Variants in DOCK11 observed in about 807,000 individuals in gnomAD.
DOCK11 encodes the protein dedicator of cytokinesis 11.
In DOCK11, 70 loss-of-function variants were observed where a neutral mutation model predicts 169.1. The ratio of observed to expected loss-of-function variants is 0.41; its 90% CI spans 0.34 to 0.51. The LOEUF (loss-of-function observed/expected upper bound fraction) is 0.51, where lower values mean the gene tolerates loss of function less well. Among genes scored for constraint, DOCK11 ranks in the 20% least tolerant of loss-of-function variants. The probability of loss-of-function intolerance (pLI) is 0.10; values close to 1 mark genes in which losing one functional copy is unlikely to be tolerated. For missense variants in DOCK11, 1,166 were observed against 1,538.8 expected, an observed-to-expected ratio of 0.76 and a Z score of 4.05; for synonymous variants, 529 against 541.3, an observed-to-expected ratio of 0.98 and a Z score of 0.32.
chrX:118,680,168 C>G (rs1460522377), intron 48 of DOCK11, among the ~76,000 whole-genome samples: 1 of 109,477 alleles, frequency 9.1e-6, no homozygotes, highest in African/African-American at 3.3e-5. Flanking sequence ...CTCAAGTGAT[C>G]CGCCCGCCTC....
At position 118,680,532 on chromosome X, in the gene DOCK11, T is replaced by C. The variant is rs752458314; in HGVS notation, c.5511T>C (p.Tyr1837=). ...DPKYAHIQVT[Y]VKPYFDDKEL... ...AATATGCTCATATACAAGTTACTTA[T>C]GTGAAGCCTTACTTTGATGACAAAG... The change falls in exon 49 of 53, where the codon TAT becomes TAC. Residue 1837 remains tyrosine, a synonymous_variant. Transcript: ENST00000276202. 8.3e-7 allele frequency: 1 copy of C among 1,209,978 alleles called. No individual in the cohort carries two copies. Among genetic ancestry groups the C allele is most frequent in the African/African-American group, 1.7e-5 (1 of 57,880 alleles).
intron 41 of DOCK11, among the ~76,000 whole-genome samples, chrX:118,650,069 T>C (rs1377600127): frequency 9.0e-6 from 1 of 111,692 alleles, no homozygotes; most frequent in Admixed American, 9.6e-5. Flanking sequence ...CAAGGTTTAG[T>C]GGAAAGCATT....
At chrX:118,613,669 C>T (rs766946725) in intron 28 of DOCK11, among the ~76,000 whole-genome samples, 3 of 112,183 alleles carry the variant, frequency 2.7e-5, no homozygotes, top group South Asian at 7.3e-4. Flanking sequence ...CAGTGCATCT[C>T]GAGGGGATAA....
At chrX:118,668,966 A>G (rs1352594454) in intron 45 of DOCK11, among the ~76,000 whole-genome samples, 4 of 111,911 alleles carry the variant, frequency 3.6e-5, no homozygotes, top group Non-Finnish European at 7.5e-5. Context: ...GGTATGATGA[A>G]TGATGAGATT....
chrX:118,627,672 C>A (rs2015143196), intron 33 of DOCK11, 93 bp downstream of exon 33: 1 of 628,411 alleles, frequency 1.6e-6, no homozygotes, highest in Admixed American at 2.9e-5. Context: ...ATAATAAAGA[C>A]CATACATAGC....
chrX:118,556,276 C>T (rs1393989838), intron 6 of DOCK11, among the ~76,000 whole-genome samples: 14 of 106,274 alleles, frequency 1.3e-4, no homozygotes, highest in African/African-American at 4.5e-4. Flanking sequence ...AACTCCTGAC[C>T]TCAGGTGATC....
intron 27 of DOCK11, 145 bp from the exon 28 acceptor site, chrX:118,610,127 C>T: frequency 1.8e-6 from 1 of 545,660 alleles, no homozygotes; most frequent in Non-Finnish European, 3.0e-6. Flanking sequence ...ACATCTTGAA[C>T]TAGTGATGTC....
At chrX:118,538,788 G>T (rs113993472) in intron 1 of DOCK11, 1 of 392,647 alleles carries the variant, frequency 2.5e-6, no homozygotes, top group Non-Finnish European at 3.2e-6. Flanking sequence ...AAATTACAAA[G>T]CTGAAAGAAA....
intron 44 of DOCK11, among the ~76,000 whole-genome samples, chrX:118,661,363 G>C (rs1363045057): frequency 9.0e-6 from 1 of 111,552 alleles, no homozygotes; most frequent in Non-Finnish European, 1.9e-5. Context: ...CTAGTGATTA[G>C]GTTTCATTTA....
intron 14 of DOCK11, 132 bp from the exon 15 acceptor site, chrX:118,584,603 A>T: frequency 1.9e-6 from 1 of 515,317 alleles, no homozygotes; most frequent in Non-Finnish European, 3.0e-6. Flanking sequence ...ATGGGTGATT[A>T]ACTTAATGAG....
intron 51 of DOCK11, among the ~76,000 whole-genome samples, chrX:118,682,317 C>T (rs2016764410): frequency 9.0e-6 from 1 of 111,028 alleles, no homozygotes; most frequent in Admixed American, 9.7e-5. Context: ...ATATAAAAGT[C>T]TTCATTCAGA....
At chrX:118,671,278 T>G in intron 46 of DOCK11, 133 bp downstream of exon 46, 1 of 551,457 alleles carries the variant, frequency 1.8e-6, no homozygotes, top group Non-Finnish European at 2.7e-6. Flanking sequence ...CATTATGACT[T>G]TTGCATTTTA....
In DOCK11 at chrX:118,671,234, G is replaced by A. The variant is rs2016463278; in HGVS notation, c.5199+89G>A. ...TAATATAGTTCTGTCACTATTATTC[G>A]ACTTGTGTCCTCTGAAGAATATAAG... On this transcript the variant is annotated intron_variant, in intron 46 of 52. Transcript: ENST00000276202. 1.8e-5 allele frequency: 15 copies of A among 855,559 alleles called. No homozygotes were observed. In the South Asian group the frequency reaches 3.5e-4, roughly 20 times the overall value. The allele number at this position is 855,559 out of a possible 1,213,427, so 70.5% of individuals were successfully genotyped here.
intron 6 of DOCK11, among the ~76,000 whole-genome samples, chrX:118,558,362 G>T (rs958952983): frequency 9.0e-6 from 1 of 111,642 alleles, no homozygotes; most frequent in African/African-American, 3.3e-5. Flanking sequence ...GGCATTAAAA[G>T]AATTAGCTAT....
chrX:118,631,183 A>G (rs2015232279), intron 35 of DOCK11, among the ~76,000 whole-genome samples: 1 of 111,533 alleles, frequency 9.0e-6, no homozygotes, highest in Non-Finnish European at 1.9e-5. Flanking sequence ...GCTTAAAAAA[A>G]AAAAATGCAA....
intron 44 of DOCK11, 72 bp downstream of exon 44, chrX:118,655,033 G>C: frequency 3.0e-6 from 3 of 984,538 alleles, no homozygotes; most frequent in Non-Finnish European, 4.3e-6. Flanking sequence ...TTGTAGTTTA[G>C]CTATGAATAT....
intron 31 of DOCK11, among the ~76,000 whole-genome samples, chrX:118,621,081 C>G (rs1247352716): frequency 2.7e-5 from 3 of 112,657 alleles, no homozygotes; most frequent in African/African-American, 9.7e-5. Context: ...AAGTTAGACA[C>G]TCTTTGAGTG....
intron 6 of DOCK11, among the ~76,000 whole-genome samples, chrX:118,560,720 T>C (rs1173940673): frequency 2.7e-5 from 3 of 111,944 alleles, no homozygotes; most frequent in Non-Finnish European, 5.6e-5. Context: ...CTTTTCCTGT[T>C]CCTGTGGGCT....
intron 24 of DOCK11, among the ~76,000 whole-genome samples, chrX:118,605,786 C>T (rs1281573836): frequency 8.9e-6 from 1 of 111,908 alleles, no homozygotes; most frequent in African/African-American, 3.2e-5. Flanking sequence ...TCTGTTAGGT[C>T]TATTTGGTCT....
Sources: gnomAD v4.1 joint callset for allele counts (sites outside exome capture counted in the v4.1 genomes callset) on GRCh38, gnomAD v4.1.1 for gene constraint, MANE v1.5 for transcripts, NCBI Gene and HGNC (gene_info 2026-07-23, HGNC 2026-07-21) for gene names.